The following SH3RF3 variants were observed in gnomAD, a reference collection of about 807,000 sequenced individuals.
The protein encoded by SH3RF3 is E3 ubiquitin-protein ligase SH3RF3.
Under a neutral mutation model 66.3 loss-of-function variants are expected in SH3RF3, and 29 were observed. The ratio of observed to expected loss-of-function variants is 0.44; its 90% confidence interval spans 0.33 to 0.60. The LOEUF (loss-of-function observed/expected upper bound fraction) is 0.60, where lower values mean the gene tolerates loss of function less well. Among genes scored for constraint, SH3RF3 ranks in the 20% least tolerant of loss-of-function variants. The pLI is 0.04. For missense variants in SH3RF3, 1,194 were observed against 1,190.9 expected (o/e 1.00, Z -0.04); for synonymous variants, 583 against 532.0 (o/e 1.10, Z -1.32).
intron 8 of SH3RF3, among the ~76,000 whole-genome samples, chr2:109,473,002 T>C (rs922641699): frequency 4.6e-5 from 7 of 152,210 alleles, no homozygotes; most frequent in African/African-American, 1.7e-4. Context: ...CTTTCCTACC[T>C]TAGTGAAAAG....
At chr2:109,146,833 A>ACCCTCCCCTC (rs1677110076) in intron 1 of SH3RF3, among the ~76,000 whole-genome samples, 1 of 47,814 alleles carries the variant, frequency 2.1e-5, no homozygotes, top group Non-Finnish European at 3.6e-5. Context: ...CCCCTTCCTA[A>ACCCTCCCCTC]CCCTCCCCTC....
Position 109,492,332 on chromosome 2 carries a change from C to T in SH3RF3, c.2480+1396C>T, listed in dbSNP as rs549014456. On this transcript the variant is annotated intron_variant, in intron 9 of 9. Transcript: ENST00000309415. ...ACAGAGATGATGCCTAGCGCCAAGCCTATGGGGCTAGGCCTGGGGCTCCAG... is the reference window on the plus strand; with the variant it reads ...ACAGAGATGATGCCTAGCGCCAAGCTTATGGGGCTAGGCCTGGGGCTCCAG... 1.3e-4 allele frequency among the ~76,000 whole-genome samples: 20 copies of T among 152,338 alleles called. No individual in the cohort carries two copies. In the East Asian group the frequency reaches 3.9e-3, roughly 29 times the overall value.
At chr2:109,375,897 G>A (rs912295862) in intron 3 of SH3RF3, among the ~76,000 whole-genome samples, 1 of 152,250 alleles carries the variant, frequency 6.6e-6, no homozygotes, top group Non-Finnish European at 1.5e-5. Context: ...CTTCAGAGCA[G>A]ACCTGGCTGG....
chr2:109,490,401 G>T (rs2104380968), intron 8 of SH3RF3, among the ~76,000 whole-genome samples: 1 of 152,278 alleles, frequency 6.6e-6, no homozygotes, highest in East Asian at 1.9e-4. Context: ...GTTCACCCGT[G>T]GGAACTGGGG....
At chr2:109,140,124 A>G (rs1485233498) in intron 1 of SH3RF3, among the ~76,000 whole-genome samples, 2 of 152,142 alleles carry the variant, frequency 1.3e-5, no homozygotes, top group Non-Finnish European at 2.9e-5. Context: ...CCCTCTGTCC[A>G]CCGTCCCCTC....
intron 1 of SH3RF3, among the ~76,000 whole-genome samples, chr2:109,190,447 T>C (rs1678321440): frequency 6.6e-6 from 1 of 152,256 alleles, no homozygotes; most frequent in South Asian, 2.1e-4. Context: ...GTGCTGGGGT[T>C]ATAGGCGTGA....
At chr2:109,406,001 C>T (rs148179204) in intron 4 of SH3RF3, among the ~76,000 whole-genome samples, 5 of 152,326 alleles carry the variant, frequency 3.3e-5, no homozygotes, top group Non-Finnish European at 7.3e-5. Flanking sequence ...CCCGCAGGCC[C>T]GGCTGCACAT....
intron 1 of SH3RF3, among the ~76,000 whole-genome samples, chr2:109,259,940 A>G (rs2105286675): frequency 6.6e-6 from 1 of 152,190 alleles, no homozygotes; most frequent in Admixed American, 6.5e-5. Flanking sequence ...TCTGCAGATG[A>G]TATCCATGTT....
intron 3 of SH3RF3, among the ~76,000 whole-genome samples, chr2:109,397,098 CAG>C (rs1487004637): frequency 6.6e-6 from 1 of 152,194 alleles, no homozygotes; most frequent in African/African-American, 2.4e-5. Context: ...TGTGCTGCTG[CAG>C]AGACCCTGTA....
intron 1 of SH3RF3, among the ~76,000 whole-genome samples, chr2:109,277,046 C>G (rs375315945): frequency 5.3e-5 from 8 of 152,122 alleles, no homozygotes; most frequent in South Asian, 2.1e-4. Context: ...TGGCAGGCAC[C>G]ATGCTCTGTG....
rs140395922 is a variant in SH3RF3 at position 109,209,700 on chromosome 2, CA to C, written c.573+79591del. Among the ~76,000 whole-genome samples the C allele has an allele frequency of 2.6e-3, 400 of 152,290 alleles. 2 individuals are homozygous for C. Among genetic ancestry groups the C allele is most frequent in the African/African-American group, 9.3e-3 (385 of 41,542 alleles). ...CCCATTTCTAAAGCATGAGTCACTA[CA>C]AAATGTAGCTTTTTAGATGGAAAAA... On this transcript the variant is annotated intron_variant, in intron 1 of 9. Coordinates refer to ENST00000309415, the MANE Select transcript of SH3RF3 (RefSeq NM_001099289.3).
chr2:109,130,300 C>T, intron 1 of SH3RF3, among the ~76,000 whole-genome samples, 187 bp downstream of exon 1: 1 of 152,352 alleles, frequency 6.6e-6, no homozygotes, highest in African/African-American at 2.4e-5. Flanking sequence ...CAGCTCGCCG[C>T]TTGTTCACGT....
At position 109,211,669 on chromosome 2, in the gene SH3RF3, G is replaced by A. The variant is rs1678983744; in HGVS notation, c.573+81556G>A. ...CTTTCTTTTTTTTTTTTTTGAGATG[G>A]AGTCTCGCTCTGTCACCCAGGGTGG... On this transcript the variant is annotated intron_variant, in intron 1 of 9. Coordinates refer to ENST00000309415, the MANE Select transcript of SH3RF3 (RefSeq NM_001099289.3). 2.8e-5 allele frequency among the ~76,000 whole-genome samples: 4 copies of A among 143,420 alleles called. No individual in the cohort carries two copies. The South Asian group carries it at 8.6e-4, about 31-fold the overall frequency. 94.1% of individuals were successfully genotyped at this position (143,420 alleles called of 152,430 possible).
intron 1 of SH3RF3, among the ~76,000 whole-genome samples, chr2:109,132,370 ACTGG>A (rs1676719720): frequency 6.6e-6 from 1 of 152,158 alleles, no homozygotes. Flanking sequence ...GTTTGGTTTT[ACTGG>A]CAGGACACAA....
At chr2:109,372,708 T>C (rs1369843309) in intron 3 of SH3RF3, among the ~76,000 whole-genome samples, 1 of 152,114 alleles carries the variant, frequency 6.6e-6, no homozygotes, top group African/African-American at 2.4e-5. Context: ...ACTCTCCTGC[T>C]CTCACACCAT....
intron 1 of SH3RF3, among the ~76,000 whole-genome samples, chr2:109,213,187 C>T (rs991838686): frequency 6.6e-6 from 1 of 152,224 alleles, no homozygotes; most frequent in South Asian, 2.1e-4. Context: ...TGCTTATTCT[C>T]TTCCTTGGCA....
chr2:109,251,525 G>A (rs1680091641), intron 1 of SH3RF3: 2 of 748,242 alleles, frequency 2.7e-6, no homozygotes, highest in Admixed American at 3.5e-5. Flanking sequence ...TGGTCATTTG[G>A]TCCCTTTATG....
chr2:109,340,643 C>G (rs1406719882), intron 1 of SH3RF3, among the ~76,000 whole-genome samples: 1 of 152,150 alleles, frequency 6.6e-6, no homozygotes, highest in Non-Finnish European at 1.5e-5. Context: ...CATCTGTTTG[C>G]CTCAGCAAGT....
intron 1 of SH3RF3, among the ~76,000 whole-genome samples, chr2:109,226,896 C>T (rs911700086): frequency 2.0e-5 from 3 of 152,148 alleles, no homozygotes; most frequent in South Asian, 2.1e-4. Context: ...GAAGCAAAGC[C>T]GTGTGGTGGC....
Sources: allele counts gnomAD v4.1 joint callset (sites outside exome capture counted in the v4.1 genomes callset), GRCh38; gene constraint gnomAD v4.1.1; transcripts MANE v1.5; gene names NCBI Gene and HGNC (gene_info 2026-07-23, HGNC 2026-07-21).